The following SPATA31H1 variants were observed in gnomAD, a reference collection of about 807,000 sequenced individuals.
SPATA31H1 encodes the protein SPATA31 subfamily H member 1, also known as spermatogenesis-associated protein 31H1.
At chr2:27,553,703 C>T in the SPATA31H1 span, among the ~76,000 whole-genome samples, 1 of 151,986 alleles carries the variant, frequency 6.6e-6, no homozygotes, top group Non-Finnish European at 1.5e-5. Context: ...AGGCAGATCA[C>T]CTGAGGTCAG....
chr2:27,539,845 CGGGCGGCTGGCCAGGCGTGGGGCTG>C, the SPATA31H1 span, among the ~76,000 whole-genome samples: 2 of 44,740 alleles, frequency 4.5e-5, no homozygotes, highest in East Asian at 1.5e-3. Context: ...CCTCCCGGAC[CGGGCGGCTGGCCAGGCGTGGGGCTG>C]ATCCCCCCCA....
chr2:27,577,338 C>T, the SPATA31H1 span: 9 of 1,613,970 alleles, frequency 5.6e-6, no homozygotes, highest in African/African-American at 1.2e-4. This position sits in a 1 kb window ranked among gnomAD's most constrained non-coding sequence, Gnocchi z 4.5. Flanking sequence ...TATGAAGCCA[C>T]TGCAGCAAAC....
At chr2:27,577,017 T>A in the SPATA31H1 span, 1 of 1,614,130 alleles carries the variant, frequency 6.2e-7, no homozygotes, top group Non-Finnish European at 8.5e-7. The surrounding 1 kb of genome is among the most constrained non-coding windows in gnomAD (Gnocchi z 4.5). Flanking sequence ...ATCTGCAAAT[T>A]TGATTTCAAT....
the SPATA31H1 span, among the ~76,000 whole-genome samples, chr2:27,542,806 C>A: frequency 6.6e-6 from 1 of 151,950 alleles, no homozygotes; most frequent in South Asian, 2.1e-4. Flanking sequence ...AACAAAAAGA[C>A]AACATACAGT....
the SPATA31H1 span, chr2:27,573,190 T>C: frequency 3.3e-5 from 13 of 398,226 alleles, no homozygotes; most frequent in East Asian, 4.3e-4. Flanking sequence ...GAGTTTAACT[T>C]TGGGCCACAG....
At chr2:27,581,464 A>C in the SPATA31H1 span, 1 of 1,613,642 alleles carries the variant, frequency 6.2e-7, no homozygotes, top group South Asian at 1.1e-5. Context: ...AGGGGCCTTC[A>C]CAGTCCCTCT....
chr2:27,537,623 A>G, the SPATA31H1 span: 1 of 701,214 alleles, frequency 1.4e-6, no homozygotes, highest in Non-Finnish European at 2.6e-6. Flanking sequence ...CTGAGGCCAT[A>G]GAAACTGCCA....
At chr2:27,576,979 T>C in the SPATA31H1 span, 2 of 1,614,048 alleles carry the variant, frequency 1.2e-6, no homozygotes, top group South Asian at 2.2e-5. Context: ...GCAGAGATGA[T>C]CCCACAGCCA....
chr2:27,563,836 T>A, the SPATA31H1 span, among the ~76,000 whole-genome samples: 1 of 151,356 alleles, frequency 6.6e-6, no homozygotes, highest in African/African-American at 2.4e-5. Context: ...GCTGGGATTA[T>A]AGGCATGAGC....
the SPATA31H1 span, chr2:27,582,496 G>A: frequency 6.2e-7 from 1 of 1,611,228 alleles, no homozygotes; most frequent in Non-Finnish European, 8.5e-7. Context: ...CCCAAAGCAG[G>A]GCAAGTGTGG....
At chr2:27,572,714 T>C in the SPATA31H1 span, 3 of 397,186 alleles carry the variant, frequency 7.6e-6, no homozygotes, top group Admixed American at 1.3e-4. Flanking sequence ...GTGTAAAAAC[T>C]ATAGGGTTAA....
chr2:27,580,603 C>G, the SPATA31H1 span: 1 of 1,614,190 alleles, frequency 6.2e-7, no homozygotes, highest in Non-Finnish European at 8.5e-7. Context: ...CCTAAGAAAC[C>G]TTCCCAACCC....
At chr2:27,547,841 C>T in the SPATA31H1 span, among the ~76,000 whole-genome samples, 1 of 151,832 alleles carries the variant, frequency 6.6e-6, no homozygotes, top group Non-Finnish European at 1.5e-5. Flanking sequence ...CTTCAACTCT[C>T]TTACCTTATT....
At chr2:27,582,276 C>A in the SPATA31H1 span, 1 of 1,614,112 alleles carries the variant, frequency 6.2e-7, no homozygotes, top group Non-Finnish European at 8.5e-7. Flanking sequence ...GAGGAGCCAT[C>A]GCAGTTCCTG....
At chr2:27,537,683 A>G in the SPATA31H1 span, 6 of 642,476 alleles carry the variant, frequency 9.3e-6, no homozygotes, top group Non-Finnish European at 1.1e-5. Context: ...GAGTTGAGAC[A>G]GTGCCCATGG....
chr2:27,571,535 G>T, the SPATA31H1 span: 1 of 398,490 alleles, frequency 2.5e-6, no homozygotes, highest in Non-Finnish European at 4.4e-6. Flanking sequence ...GTACACAGCT[G>T]CAAGATATGA....
the SPATA31H1 span, among the ~76,000 whole-genome samples, chr2:27,548,708 CTT>C: frequency 6.6e-6 from 1 of 151,294 alleles, no homozygotes; most frequent in Non-Finnish European, 1.5e-5. Context: ...TTGTGAGTCT[CTT>C]AAGTGTCTTC....
chr2:27,548,440 T>C, the SPATA31H1 span, among the ~76,000 whole-genome samples: 1 of 151,302 alleles, frequency 6.6e-6, no homozygotes, highest in Non-Finnish European at 1.5e-5. Flanking sequence ...AAACCCTGAC[T>C]CTACTAACAA....
the SPATA31H1 span, chr2:27,579,760 C>A: frequency 3.7e-6 from 6 of 1,614,062 alleles, no homozygotes; most frequent in African/African-American, 6.7e-5. Context: ...ATTTCTGAGT[C>A]CCAACACTCC....
Sources: allele counts gnomAD v4.1 joint callset (sites outside exome capture counted in the v4.1 genomes callset), GRCh38; gene constraint gnomAD v4.1.1; non-coding constraint Gnocchi (gnomAD v3.1); transcripts MANE v1.5; gene names NCBI Gene and HGNC (gene_info 2026-07-23, HGNC 2026-07-21).